Variants in GRID2 observed in about 807,000 individuals in gnomAD.
The protein encoded by GRID2 is glutamate ionotropic receptor delta type subunit 2.
GRID2 carries 33 observed loss-of-function variants against 114.8 expected under a neutral mutation model. The ratio of observed to expected loss-of-function variants is 0.29; its 90% CI spans 0.22 to 0.38. GRID2 has a LOEUF of 0.38. GRID2 is among the 10% of genes least tolerant of loss of function. The pLI is 1.00. For missense variants in GRID2, 1,184 were observed against 1,257.7 expected (o/e 0.94, Z 0.89); for synonymous variants, 505 against 449.9 (o/e 1.12, Z -1.55).
chr4:92,671,378 A>C (rs577373211), intron 2 of GRID2, among the ~76,000 whole-genome samples: 1 of 152,184 alleles, frequency 6.6e-6, no homozygotes, highest in Admixed American at 6.6e-5. Flanking sequence ...AGAGAGCCAA[A>C]CCATATCTCT....
chr4:92,356,854 G>A (rs1210726642), intron 1 of GRID2, among the ~76,000 whole-genome samples: 1 of 151,720 alleles, frequency 6.6e-6, no homozygotes, highest in South Asian at 2.1e-4. Flanking sequence ...TGCAGGGGGA[G>A]GTATTTGTCT....
chr4:92,394,545 A>G (rs1430309942), intron 1 of GRID2, among the ~76,000 whole-genome samples: 1 of 151,952 alleles, frequency 6.6e-6, no homozygotes, highest in Non-Finnish European at 1.5e-5. Flanking sequence ...CTTATATTTT[A>G]ATTAGAAGAA....
chr4:93,068,717 G>A (rs1413493759), intron 2 of GRID2, among the ~76,000 whole-genome samples: 7 of 151,778 alleles, frequency 4.6e-5, no homozygotes, highest in African/African-American at 7.2e-5. Flanking sequence ...CAGTAATCTC[G>A]TGTTAGAGCT....
intron 2 of GRID2, among the ~76,000 whole-genome samples, chr4:92,599,546 T>C (rs909441085): frequency 1.3e-5 from 2 of 152,186 alleles, no homozygotes; most frequent in African/African-American, 4.8e-5. Flanking sequence ...TTTGAATTTC[T>C]TGTACTGTAC....
At chr4:92,922,430 G>C (rs144544372) in intron 2 of GRID2, among the ~76,000 whole-genome samples, 2 of 152,200 alleles carry the variant, frequency 1.3e-5, no homozygotes, top group East Asian at 1.9e-4. Flanking sequence ...CCCATCCTCT[G>C]TGTCGCTCAT....
At chr4:92,441,698 A>T (rs1487725823) in intron 1 of GRID2, among the ~76,000 whole-genome samples, 2 of 150,100 alleles carry the variant, frequency 1.3e-5, no homozygotes, top group South Asian at 2.1e-4. Context: ...AAGCGTGCTG[A>T]GGGATGGGAT....
chr4:92,533,897 ATAGATT>A (rs1369046918), intron 1 of GRID2, among the ~76,000 whole-genome samples: 3 of 152,028 alleles, frequency 2.0e-5, no homozygotes, highest in South Asian at 2.1e-4. Flanking sequence ...TGTAGATTCT[ATAGATT>A]TAATCTATAA....
intron 2 of GRID2, among the ~76,000 whole-genome samples, chr4:92,830,506 A>G (rs1329182575): frequency 6.6e-6 from 1 of 152,104 alleles, no homozygotes; most frequent in Non-Finnish European, 1.5e-5. Flanking sequence ...TTATTTTATC[A>G]TGAATAATTT....
intron 2 of GRID2, among the ~76,000 whole-genome samples, chr4:92,693,097 A>C (rs944451755): frequency 1.3e-5 from 2 of 151,626 alleles, no homozygotes; most frequent in South Asian, 2.1e-4. Context: ...ATATTTAAAA[A>C]TCTATAGTAA....
chr4:92,471,568 ACAAC>A (rs1340373722), intron 1 of GRID2, among the ~76,000 whole-genome samples: 1 of 152,146 alleles, frequency 6.6e-6, no homozygotes, highest in African/African-American at 2.4e-5. Flanking sequence ...ATAAACATAA[ACAAC>A]CAACTGAAAT....
intron 1 of GRID2, among the ~76,000 whole-genome samples, chr4:92,456,348 A>C (rs1283019111): frequency 6.6e-6 from 1 of 152,138 alleles, no homozygotes. Context: ...CCCATGAGAA[A>C]TTTGACAATA....
chr4:92,839,845 C>T (rs542354544), intron 2 of GRID2, among the ~76,000 whole-genome samples: 3 of 151,950 alleles, frequency 2.0e-5, no homozygotes, highest in South Asian at 2.1e-4. Flanking sequence ...TTTGGTCTAT[C>T]GTACAGATTA....
chr4:93,608,296 C>CTTTTTTTTTTTTTTTATTTTT (rs774334616), intron 13 of GRID2, among the ~76,000 whole-genome samples: 1 of 117,014 alleles, frequency 8.5e-6, no homozygotes. Flanking sequence ...ATTTTTTTTT[C>CTTTTTTTTTTTTTTTATTTTT]TTTTTTTTTT....
chr4:93,782,854 C>T (rs966253580), intron 1 of GRID2, among the ~76,000 whole-genome samples: 1 of 151,920 alleles, frequency 6.6e-6, no homozygotes, highest in Admixed American at 6.6e-5. Flanking sequence ...TGTACTCTTG[C>T]CTCACAGCCT....
At position 93,011,288 on chromosome 4, in the gene GRID2, A is replaced by G. The variant is rs573223255; in HGVS notation, c.245-73707A>G. Among the ~76,000 whole-genome samples the G allele has an allele frequency of 1.2e-4, 18 of 152,008 alleles. No individual in the cohort carries two copies. In the East Asian group the frequency reaches 3.1e-3, roughly 26 times the overall value. On this transcript the variant is annotated intron_variant, in intron 2 of 15. Transcript: ENST00000282020. ...GATTTTCTGTTCATTTTGAGGTACTAAGGTTTTCCTAAACAAGCAGAAGCT... is the reference window on the plus strand; with the variant it reads ...GATTTTCTGTTCATTTTGAGGTACTGAGGTTTTCCTAAACAAGCAGAAGCT...
chr4:92,370,849 G>A (rs374127631), intron 1 of GRID2, among the ~76,000 whole-genome samples: 37 of 152,206 alleles, frequency 2.4e-4, no homozygotes, highest in East Asian at 2.1e-3. Context: ...GGGTGGGCCT[G>A]GTAGTGAGTT....
chr4:92,544,469 A>T (rs934720860), intron 1 of GRID2, among the ~76,000 whole-genome samples: 1 of 152,170 alleles, frequency 6.6e-6, no homozygotes, highest in Non-Finnish European at 1.5e-5. Flanking sequence ...CAGAGCATTT[A>T]TATACTCAAG....
chr4:92,319,096 A>T (rs1726169125), intron 1 of GRID2, among the ~76,000 whole-genome samples: 1 of 152,168 alleles, frequency 6.6e-6, no homozygotes, highest in African/African-American at 2.4e-5. Context: ...CACTACAATT[A>T]TTACCTTCTA....
At chr4:92,719,712 C>G (rs1735720205) in intron 2 of GRID2, among the ~76,000 whole-genome samples, 1 of 151,330 alleles carries the variant, frequency 6.6e-6, no homozygotes. Context: ...AGAAATGGTA[C>G]AAATGAGAAC....
Sources: gnomAD v4.1 joint callset for allele counts (sites outside exome capture counted in the v4.1 genomes callset) on GRCh38, gnomAD v4.1.1 for gene constraint, MANE v1.5 for transcripts, NCBI Gene and HGNC (gene_info 2026-07-23, HGNC 2026-07-21) for gene names.